The following RORA variants were observed in gnomAD, a reference collection of about 807,000 sequenced individuals.
RORA encodes nuclear receptor ROR-alpha.
Under a neutral mutation model 69.5 loss-of-function variants are expected in RORA, and 7 were observed. The ratio of observed to expected loss-of-function variants is 0.10; its 90% CI spans 0.06 to 0.19. RORA has a LOEUF of 0.19. RORA is among the 10% of genes least tolerant of loss of function. The pLI is 1.00. For synonymous variants in RORA, 261 were observed against 240.8 expected (o/e 1.08, Z -0.78); for missense variants, 457 against 663.0 (o/e 0.69, Z 3.41).
At chr15:60,740,404 A>G (rs2071560639) in intron 1 of RORA, among the ~76,000 whole-genome samples, 1 of 152,212 alleles carries the variant, frequency 6.6e-6, no homozygotes, top group South Asian at 2.1e-4. Flanking sequence ...ATTCGCAGAC[A>G]CAGAATTCGG....
At chr15:61,076,144 G>C (rs1265775077) in intron 1 of RORA, among the ~76,000 whole-genome samples, 1 of 152,198 alleles carries the variant, frequency 6.6e-6, no homozygotes, top group African/African-American at 2.4e-5. Flanking sequence ...TCTCTGACAG[G>C]AGCATGCGTC....
rs1295962117 is a variant in RORA, at chr15:61,197,320, A to C, written c.166+31733T>G. 2.6e-5 allele frequency among the ~76,000 whole-genome samples: 4 copies of C among 152,340 alleles called. No homozygotes were observed. The East Asian group carries it at 7.7e-4, about 29-fold the overall frequency. ...TTTAATAACAGGTTGCCTTACAGGGAGAACAAAGTGGATCCCGTCTCCAGG... is the reference window on the plus strand; with the variant it reads ...TTTAATAACAGGTTGCCTTACAGGGCGAACAAAGTGGATCCCGTCTCCAGG... On this transcript the variant is annotated intron_variant, in intron 1 of 10. Coordinates refer to ENST00000335670, the MANE Select transcript of RORA (RefSeq NM_134261.3).
chr15:60,932,036 T>TC (rs1230886555), intron 1 of RORA, among the ~76,000 whole-genome samples: 1 of 151,926 alleles, frequency 6.6e-6, no homozygotes, highest in Non-Finnish European at 1.5e-5. Context: ...ATCAAGAGTT[T>TC]TTTTTTTTAA....
At chr15:60,932,644 G>A (rs369264142) in intron 1 of RORA, among the ~76,000 whole-genome samples, 1 of 152,134 alleles carries the variant, frequency 6.6e-6, no homozygotes, top group African/African-American at 2.4e-5. Flanking sequence ...TTGGCGGGGT[G>A]GGTAACTGGT....
chr15:60,815,498 G>C (rs1271256316), intron 1 of RORA, among the ~76,000 whole-genome samples: 1 of 152,086 alleles, frequency 6.6e-6, no homozygotes, highest in Admixed American at 6.6e-5. Flanking sequence ...CTTGAACAAA[G>C]TGGCTTGTTT....
chr15:60,745,998 C>T (rs1355033501), intron 1 of RORA, among the ~76,000 whole-genome samples: 1 of 152,108 alleles, frequency 6.6e-6, no homozygotes, highest in Non-Finnish European at 1.5e-5. Context: ...AAAAAAATAT[C>T]TGGAAGGCTT....
intron 2 of RORA, among the ~76,000 whole-genome samples, chr15:60,600,291 G>A (rs913767066): frequency 3.3e-5 from 5 of 152,208 alleles, no homozygotes; most frequent in African/African-American, 1.2e-4. Flanking sequence ...AGGAGCAAAT[G>A]CTGGCATTAT....
At chr15:60,911,569 T>C (rs935040229) in intron 1 of RORA, among the ~76,000 whole-genome samples, 9 of 152,144 alleles carry the variant, frequency 5.9e-5, no homozygotes, top group African/African-American at 1.7e-4. Flanking sequence ...CATTCTAGAA[T>C]GAAAGACAGG....
intron 1 of RORA, among the ~76,000 whole-genome samples, chr15:60,726,634 G>A (rs1202670865): frequency 2.0e-5 from 3 of 152,316 alleles, no homozygotes; most frequent in African/African-American, 4.8e-5. Context: ...CGTAGGCCCC[G>A]CCTACAGCCT....
intron 1 of RORA, chr15:61,176,401 A>C (rs2079629755): frequency 6.6e-6 from 1 of 152,230 alleles, no homozygotes; most frequent in Non-Finnish European, 1.5e-5. Flanking sequence ...CTTGCTTTTC[A>C]GAGAGTAGTT....
intron 2 of RORA, among the ~76,000 whole-genome samples, chr15:60,551,824 T>A (rs1326453526): frequency 6.6e-6 from 1 of 152,236 alleles, no homozygotes; most frequent in Non-Finnish European, 1.5e-5. Context: ...GTTACCAAGC[T>A]TGGGCAAGAC....
At chr15:60,763,213 G>A (rs1221804911) in intron 1 of RORA, among the ~76,000 whole-genome samples, 1 of 151,756 alleles carries the variant, frequency 6.6e-6, no homozygotes, top group Non-Finnish European at 1.5e-5. Flanking sequence ...CTGGGTAGCC[G>A]AGAGGAAAAG....
Position 60,711,561 on chromosome 15 carries a change from T to C in RORA, c.167-32875A>G, listed in dbSNP as rs554149048. 9.8e-5 allele frequency among the ~76,000 whole-genome samples: 15 copies of C among 152,286 alleles called. No individual in the cohort carries two copies. The East Asian group carries it at 2.3e-3, about 23-fold the overall frequency. ...CACTCACACTGTGAACCAGAAGGGT[T>C]TACCTTTAGAGTGCTATTCTATGGT... On this transcript the variant is annotated intron_variant, in intron 1 of 10. Transcript: ENST00000335670.
chr15:61,166,123 T>A (rs2079538079), intron 1 of RORA, among the ~76,000 whole-genome samples: 1 of 152,144 alleles, frequency 6.6e-6, no homozygotes, highest in Non-Finnish European at 1.5e-5. Flanking sequence ...GGAAGAGAAA[T>A]GTAGCAAACG....
chr15:60,669,354 TGTTTG>T (rs2070430708), intron 2 of RORA, among the ~76,000 whole-genome samples: 3 of 150,836 alleles, frequency 2.0e-5, no homozygotes, highest in Non-Finnish European at 4.4e-5. Flanking sequence ...TTTGTTTGTT[TGTTTG>T]TTTGTTTGTT....
chr15:60,871,065 C>A (rs780053937), intron 1 of RORA, among the ~76,000 whole-genome samples: 2 of 152,166 alleles, frequency 1.3e-5, no homozygotes, highest in Non-Finnish European at 2.9e-5. Flanking sequence ...AAAGTGAGAA[C>A]TTTTAGAAAT....
rs148219200 is a variant in RORA at position 61,043,402 on chromosome 15, G to T, written c.166+185651C>A. ...TGCCTCCTCCAGAAAATACTTACCT[G>T]TCAAGAACTTTGTAAAAATGAAATG... On this transcript the variant is annotated intron_variant, in intron 1 of 10. Transcript: ENST00000335670. Among the ~76,000 whole-genome samples, 18 of 152,242 alleles carry T rather than the reference G, an allele frequency of 1.2e-4. No homozygotes were observed. The East Asian group carries it at 3.3e-3, about 28-fold the overall frequency.
At chr15:61,050,492 T>G (rs1242021806) in intron 1 of RORA, among the ~76,000 whole-genome samples, 1 of 152,198 alleles carries the variant, frequency 6.6e-6, no homozygotes, top group East Asian at 1.9e-4. Context: ...AAGGACACTG[T>G]GTAATTCTAT....
At chr15:60,719,944 G>C (rs1222526667) in intron 1 of RORA, among the ~76,000 whole-genome samples, 1 of 152,116 alleles carries the variant, frequency 6.6e-6, no homozygotes, top group Non-Finnish European at 1.5e-5. Context: ...TTGCAGTGTT[G>C]CCTTTCAGCA....
Sources: gnomAD v4.1 joint callset for allele counts (sites outside exome capture counted in the v4.1 genomes callset) on GRCh38, gnomAD v4.1.1 for gene constraint, MANE v1.5 for transcripts, NCBI Gene and HGNC (gene_info 2026-07-23, HGNC 2026-07-21) for gene names.